The following DEF8 variants were observed in gnomAD, a reference collection of about 807,000 sequenced individuals.
The protein encoded by DEF8 is DEF-8.
Under a neutral mutation model 59.1 loss-of-function variants are expected in DEF8, and 38 were observed. The observed-to-expected ratio is 0.64, with a 90% CI of 0.50 to 0.84. The LOEUF (loss-of-function observed/expected upper bound fraction) is 0.84. Among genes scored for constraint, DEF8 ranks in the 40% least tolerant of loss-of-function variants. DEF8 has a pLI of 0.00. For missense variants in DEF8, 557 were observed against 615.2 expected (o/e 0.91, Z 1.00); for synonymous variants, 265 against 250.1 (o/e 1.06, Z -0.56).
At chr16:89,958,976 G>A in intron 5 of DEF8, 38 bp from the exon 6 acceptor site, 2 of 1,602,144 alleles carry the variant, frequency 1.2e-6, no homozygotes, top group African/African-American at 1.3e-5. Context: ...CTTCAGCCCA[G>A]CTCACCTGTG....
intron 10 of DEF8, chr16:89,963,709 AAC>A (rs889054363): frequency 1.3e-5 from 7 of 532,416 alleles, no homozygotes; most frequent in African/African-American, 9.5e-5. Context: ...TTGACCACAA[AAC>A]ACAGTTTTCA....
In DEF8 at chr16:89,954,167, G is replaced by A; in HGVS notation, c.-10-76G>A. The A allele has an allele frequency of 6.5e-7, 1 of 1,529,250 alleles. No individual in the cohort carries two copies. The highest frequency in any genetic ancestry group is 8.9e-7 in the Non-Finnish European group (1 of 1,121,010). The allele number at this position is 1,529,250 out of a possible 1,614,324, so 94.7% of individuals were successfully genotyped here. A position where few individuals can be genotyped will look rare whatever the true frequency, so the allele number is the denominator to read the frequency against. On this transcript the variant is annotated intron_variant, in intron 2 of 12. Transcript: ENST00000563594. This position sits in a 1 kb window ranked among gnomAD's most constrained non-coding sequence, Gnocchi z 4.3. ...GGCCAGCCTCACCCCAGACACCCCA[G>A]TGTGGTTGGGGAAAGGGGGTGGTCC...
Position 89,948,842 on chromosome 16 carries a change from G to C in DEF8, c.-108+28G>C. 2.3e-6 allele frequency: 2 copies of C among 865,230 alleles called. 1 individual carries two copies. The highest frequency in any genetic ancestry group is 2.7e-6 in the Non-Finnish European group (2 of 745,976). The allele number at this position is 865,230 out of a possible 1,614,324, so 53.6% of individuals were successfully genotyped here. ...GAGCGGCGCGGGGCCGGCGGGGTCG[G>C]GGCCGGCGGGGACGGGGCCGGCGGG... is the stretch of plus-strand genomic sequence containing the variant. On this transcript the variant is annotated intron_variant, in intron 1 of 12. Coordinates refer to ENST00000563594, the MANE Select transcript of DEF8 (RefSeq NM_001242818.2).
intron 6 of DEF8, among the ~76,000 whole-genome samples, chr16:89,959,735 G>C (rs1330497916): frequency 6.6e-6 from 1 of 152,196 alleles, no homozygotes; most frequent in Non-Finnish European, 1.5e-5. Flanking sequence ...CTGATCTTGT[G>C]TTCCGTCCAC....
chr16:89,950,669 G>A (rs956070282), intron 2 of DEF8, among the ~76,000 whole-genome samples: 8 of 152,060 alleles, frequency 5.3e-5, no homozygotes, highest in Non-Finnish European at 1.5e-5. Context: ...ACCACACACC[G>A]GCCATGATTC....
chr16:89,952,555 C>T (rs1236502635), intron 2 of DEF8: 1 of 152,262 alleles, frequency 6.6e-6, no homozygotes, highest in Non-Finnish European at 1.5e-5. Context: ...GCTCCTCATT[C>T]AGGAAGAAGG....
At chr16:89,950,019 G>A (rs1156542157) in intron 2 of DEF8, 4 of 1,034,702 alleles carry the variant, frequency 3.9e-6, no homozygotes, top group Admixed American at 1.1e-4. Flanking sequence ...CCTGGGGCTG[G>A]CACTGACTGT....
At chr16:89,957,803 A>T in intron 5 of DEF8, 143 bp downstream of exon 5, 1 of 1,001,832 alleles carries the variant, frequency 1.0e-6, no homozygotes, top group Non-Finnish European at 1.4e-6. Flanking sequence ...AGGGCACGAG[A>T]CAGGCAGGGT....
intron 9 of DEF8, among the ~76,000 whole-genome samples, chr16:89,962,676 C>T (rs2034188642): frequency 6.6e-6 from 1 of 152,198 alleles, no homozygotes; most frequent in African/African-American, 2.4e-5. Context: ...TAAAAAGAAA[C>T]AAGTGAAGTT....
At chr16:89,955,349 C>T (rs2032981053) in intron 4 of DEF8, 83 bp downstream of exon 4, 2 of 1,187,712 alleles carry the variant, frequency 1.7e-6, no homozygotes, top group Admixed American at 1.7e-5. Flanking sequence ...TCACTCCCTC[C>T]CAGGTGGCAG....
At chr16:89,956,137 C>T (rs1244579960) in intron 4 of DEF8, among the ~76,000 whole-genome samples, 1 of 151,022 alleles carries the variant, frequency 6.6e-6, no homozygotes, top group Non-Finnish European at 1.5e-5. Context: ...TTGAGGGAAA[C>T]ATTACGGCAA....
At chr16:89,949,829 T>C (rs2031656204) in intron 2 of DEF8, among the ~76,000 whole-genome samples, 1 of 152,166 alleles carries the variant, frequency 6.6e-6, no homozygotes, top group Non-Finnish European at 1.5e-5. Flanking sequence ...GCCCGCTCCT[T>C]TCTGAGGCCA....
chr16:89,951,268 T>C (rs1277193080), intron 2 of DEF8, among the ~76,000 whole-genome samples: 9 of 151,998 alleles, frequency 5.9e-5, no homozygotes, highest in African/African-American at 2.2e-4. Flanking sequence ...TTCTTTTTTT[T>C]TTTTCTGAGA....
At chr16:89,962,664 AG>A (rs2034187682) in intron 9 of DEF8, among the ~76,000 whole-genome samples, 1 of 152,272 alleles carries the variant, frequency 6.6e-6, no homozygotes, top group African/African-American at 2.4e-5. Context: ...CTCAAAAAAA[AG>A]TAAAAAGAAA....
chr16:89,955,135 C>T (rs1170165623), intron 3 of DEF8, 34 bp from the exon 4 acceptor site: 2 of 1,551,706 alleles, frequency 1.3e-6, no homozygotes, highest in African/African-American at 2.7e-5. Flanking sequence ...GAGGTAGCAG[C>T]TGACGCTCCA....
At position 89,955,185 on chromosome 16, in the gene DEF8, G is replaced by GC. The variant is rs748173261; in HGVS notation, c.146dup (p.Gly50TrpfsTer9). ...TTCCTCCAGAGGCCCTGCCTGAGCT[G>GC]CCCCCTGGGGAGCCGGAATTCCGCT... On this transcript the variant is annotated frameshift_variant, in exon 4 of 13. Transcript: ENST00000563594. LOFTEE classifies it high-confidence loss of function. The GC allele has an allele frequency of 1.9e-6, 3 of 1,613,358 alleles. No homozygotes were observed. Among genetic ancestry groups the GC allele is most frequent in the Non-Finnish European group, 2.5e-6 (3 of 1,179,830 alleles).
In DEF8 at chr16:89,954,503, T is replaced by C; in HGVS notation, c.124+127T>C. On this transcript the variant is annotated intron_variant, in intron 3 of 12. Coordinates refer to ENST00000563594, the MANE Select transcript of DEF8 (RefSeq NM_001242818.2). The surrounding 1 kb of genome is among the most constrained non-coding windows in gnomAD (Gnocchi z 4.3). Reference sequence around the variant, plus strand: ...CCACGGAGCCGGCACCTGCTGGCTGTGTTCTTTTTCCCATCTCTTCTGTGG... The same window carrying C: ...CCACGGAGCCGGCACCTGCTGGCTGCGTTCTTTTTCCCATCTCTTCTGTGG... 5.7e-6 allele frequency: 6 copies of C among 1,054,616 alleles called. No individual in the cohort carries two copies. Among genetic ancestry groups the C allele is most frequent in the East Asian group, 2.5e-5 (1 of 40,040 alleles). 65.3% of individuals were successfully genotyped at this position (1,054,616 alleles called of 1,614,324 possible). A position where few individuals can be genotyped will look rare whatever the true frequency, so the allele number is the denominator to read the frequency against.
chr16:89,949,645 G>T, intron 2 of DEF8, 132 bp downstream of exon 2: 2 of 1,607,342 alleles, frequency 1.2e-6, no homozygotes, highest in East Asian at 4.5e-5. Flanking sequence ...CCAGGTCCGT[G>T]CATCCCGCGT....
chr16:89,965,884 C>T lies in DEF8; in HGVS notation c.1277C>T (p.Thr426Ile), dbSNP rs1214157839. Residue 426 changes from threonine to isoleucine, a missense_variant, in exon 13 of 13, where the codon ACC (threonine) becomes ATC (isoleucine). Coordinates refer to ENST00000563594, the MANE Select transcript of DEF8 (RefSeq NM_001242818.2). ...AGGGACTGCTACTACGACAACTCCA[C>T]CACTTGTCCCAAGTGTGCCCGGCTC... ...FHRDCYYDNS[T>I]TCPKCARLSL... The T allele has an allele frequency of 1.9e-6, 3 of 1,613,518 alleles. No homozygotes were observed. Among genetic ancestry groups the T allele is most frequent in the Non-Finnish European group, 1.7e-6 (2 of 1,179,642 alleles).
Sources: allele counts gnomAD v4.1 joint callset (sites outside exome capture counted in the v4.1 genomes callset), GRCh38; gene constraint gnomAD v4.1.1; non-coding constraint Gnocchi (gnomAD v3.1); transcripts MANE v1.5; gene names NCBI Gene and HGNC (gene_info 2026-07-23, HGNC 2026-07-21).